SMAP1: variants seen among roughly 807,000 people sequenced by gnomAD.
SMAP1 encodes the protein small ArfGAP 1, also known as stromal membrane-associated protein 1.
In SMAP1, 24 loss-of-function variants were observed where a neutral mutation model predicts 58.5. The ratio of observed to expected loss-of-function variants is 0.41; its 90% CI spans 0.30 to 0.58. The LOEUF is 0.58. Ranked by LOEUF, SMAP1 falls within the 20% of genes least tolerant of loss-of-function variation. The pLI is 0.29. For missense variants in SMAP1, 563 were observed against 566.3 expected (o/e 0.99, Z 0.06); for synonymous variants, 216 against 196.6 (o/e 1.10, Z -0.82).
intron 3 of SMAP1, among the ~76,000 whole-genome samples, chr6:70,765,565 G>A (rs555852859): frequency 1.8e-4 from 27 of 152,142 alleles, no homozygotes; most frequent in African/African-American, 6.3e-4. Flanking sequence ...TGTTTGTAAA[G>A]CAAAAATTGT....
intron 1 of SMAP1, among the ~76,000 whole-genome samples, chr6:70,689,812 A>AT (rs1767084110): frequency 6.6e-6 from 1 of 151,894 alleles, no homozygotes. Context: ...ATAAGGTTTT[A>AT]TTTTTTAATG....
chr6:70,746,059 A>G lies in SMAP1; in HGVS notation c.253-8921A>G, dbSNP rs571746809. On this transcript the variant is annotated intron_variant, in intron 2 of 10. Transcript: ENST00000370455. ...CTTTGCTGAAGTTGCTTATCATCTT[A>G]AGGAGATTTTGGGCTGAGACGATGG... Among the ~76,000 whole-genome samples, 15 of 152,260 alleles carry G rather than the reference A, an allele frequency of 9.9e-5. No homozygotes were observed. In the East Asian group the frequency reaches 2.9e-3, roughly 29 times the overall value.
intron 1 of SMAP1, among the ~76,000 whole-genome samples, chr6:70,718,063 A>G (rs1171175306): frequency 6.6e-6 from 1 of 152,104 alleles, no homozygotes; most frequent in Non-Finnish European, 1.5e-5. Flanking sequence ...AAGCTCCACA[A>G]GCTCCCCTTC....
intron 1 of SMAP1, among the ~76,000 whole-genome samples, chr6:70,697,428 C>T (rs547549380): frequency 6.6e-6 from 1 of 152,032 alleles, no homozygotes; most frequent in South Asian, 2.1e-4. Flanking sequence ...GCCTCAGCCT[C>T]CCTAGTAGCT....
intron 8 of SMAP1, among the ~76,000 whole-genome samples, chr6:70,854,810 A>G (rs747252092): frequency 1.1e-4 from 17 of 152,082 alleles, no homozygotes. Context: ...TGAACCCTGT[A>G]TTCTTTCACT....
chr6:70,689,990 C>T (rs1003289178), intron 1 of SMAP1, among the ~76,000 whole-genome samples: 1 of 152,156 alleles, frequency 6.6e-6, no homozygotes, highest in African/African-American at 2.4e-5. Flanking sequence ...AGACAATTAT[C>T]ATCCTCGAAT....
chr6:70,754,919 T>C (rs1562135696), intron 2 of SMAP1, 61 bp from the exon 3 acceptor site: 1 of 946,442 alleles, frequency 1.1e-6, no homozygotes, highest in Non-Finnish European at 1.7e-6. Flanking sequence ...TATGTGTATG[T>C]ATGTGCAGGA....
intron 3 of SMAP1, among the ~76,000 whole-genome samples, chr6:70,772,339 A>G (rs530454945): frequency 6.6e-6 from 1 of 152,304 alleles, no homozygotes; most frequent in South Asian, 2.1e-4. Context: ...ATTGACTGAA[A>G]CTGTATTGTA....
chr6:70,679,729 C>T (rs898811961), intron 1 of SMAP1, among the ~76,000 whole-genome samples: 22 of 152,002 alleles, frequency 1.4e-4, no homozygotes, highest in African/African-American at 4.8e-4. Flanking sequence ...AATACTGTAC[C>T]TAAAGAAGTG....
chr6:70,697,878 G>A (rs2149825115), intron 1 of SMAP1, among the ~76,000 whole-genome samples: 1 of 152,252 alleles, frequency 6.6e-6, no homozygotes, highest in South Asian at 2.1e-4. Flanking sequence ...TTGAAAAGAT[G>A]TAGTTATTTT....
chr6:70,784,992 G>C (rs995854834), intron 4 of SMAP1, among the ~76,000 whole-genome samples: 26 of 152,100 alleles, frequency 1.7e-4, no homozygotes, highest in African/African-American at 5.3e-4. Context: ...CAGATCAACA[G>C]AATATACATT....
chr6:70,671,292 G>A (rs945716183), intron 1 of SMAP1, among the ~76,000 whole-genome samples: 4 of 151,840 alleles, frequency 2.6e-5, no homozygotes, highest in African/African-American at 9.7e-5. Context: ...AGAAAACATC[G>A]CTGGGCTTGG....
chr6:70,814,880 A>G (rs910446310), intron 6 of SMAP1, among the ~76,000 whole-genome samples: 1 of 152,056 alleles, frequency 6.6e-6, no homozygotes, highest in Non-Finnish European at 1.5e-5. Flanking sequence ...TTATCAACAC[A>G]CTGTGTTGTT....
intron 6 of SMAP1, among the ~76,000 whole-genome samples, chr6:70,824,479 C>T (rs919500206): frequency 2.6e-5 from 4 of 151,918 alleles, no homozygotes; most frequent in African/African-American, 9.7e-5. Context: ...CTTCCACAGT[C>T]TCTGTACTTA....
intron 7 of SMAP1, among the ~76,000 whole-genome samples, chr6:70,837,333 T>G (rs1043629410): frequency 1.5e-4 from 23 of 152,182 alleles, no homozygotes; most frequent in Non-Finnish European, 2.4e-4. Flanking sequence ...GAGTGGATTA[T>G]TTTCTCTTCT....
In SMAP1 at chr6:70,861,961, G is replaced by T. The variant is rs771270674; in HGVS notation, c.*1627G>T. The stretch of plus-strand genomic sequence containing the variant: ...GCTTTTGGATTGGACAAAATGACTT[G>T]AAGACTTACAGCAAATCCTTTGTGA... On this transcript the variant is annotated 3_prime_UTR_variant, in exon 11 of 11. Transcript: ENST00000370455. 4 of 1,610,550 alleles carry T rather than the reference G, an allele frequency of 2.5e-6. No individual in the cohort carries two copies. The South Asian group carries it at 3.3e-5, about 13-fold the overall frequency.
intron 3 of SMAP1, among the ~76,000 whole-genome samples, chr6:70,771,470 C>A (rs1339951670): frequency 1.3e-5 from 2 of 152,260 alleles, no homozygotes; most frequent in Non-Finnish European, 2.9e-5. Flanking sequence ...CGCCCCTCCC[C>A]TAGCCTCCCT....
intron 3 of SMAP1, 64 bp from the exon 4 acceptor site, chr6:70,773,286 C>T (rs901575447): frequency 3.6e-5 from 34 of 944,480 alleles, no homozygotes; most frequent in African/African-American, 5.1e-5. Flanking sequence ...TGTGGAGTGG[C>T]GTGAATAAAG....
chr6:70,799,260 A>G (rs1342939335), intron 6 of SMAP1, among the ~76,000 whole-genome samples: 2 of 152,188 alleles, frequency 1.3e-5, no homozygotes, highest in Non-Finnish European at 2.9e-5. Context: ...ACTAGTGAAA[A>G]ATAACACCAG....
Sources: allele counts gnomAD v4.1 joint callset (sites outside exome capture counted in the v4.1 genomes callset), GRCh38; gene constraint gnomAD v4.1.1; transcripts MANE v1.5; gene names NCBI Gene and HGNC (gene_info 2026-07-23, HGNC 2026-07-21).